The following CCDC146 variants were observed in gnomAD, a reference collection of about 807,000 sequenced individuals.
The protein encoded by CCDC146 is coiled-coil domain containing 146.
A neutral mutation model predicts 119.3 loss-of-function variants in CCDC146; 92 were observed. The observed-to-expected ratio is 0.77, with a 90% CI of 0.65 to 0.92. The LOEUF (loss-of-function observed/expected upper bound fraction) is 0.92, where lower values mean the gene tolerates loss of function less well. Among genes scored for constraint, CCDC146 ranks in the 40% least tolerant of loss-of-function variants. The pLI is 0.00. For missense variants in CCDC146, 1,000 were observed against 1,103.0 expected (o/e 0.91, Z 1.32); for synonymous variants, 372 against 371.8 (o/e 1.00, Z -0.01).
chr7:77,149,915 A>G (rs1458699458), intron 1 of CCDC146, among the ~76,000 whole-genome samples: 3 of 152,158 alleles, frequency 2.0e-5, no homozygotes, highest in African/African-American at 7.2e-5. Context: ...TATTTGGTCA[A>G]TTGGTAATTT....
At chr7:77,153,488 T>C (rs1459055070) in intron 1 of CCDC146, among the ~76,000 whole-genome samples, 2 of 149,446 alleles carry the variant, frequency 1.3e-5, no homozygotes, top group Non-Finnish European at 3.0e-5. Flanking sequence ...GCAAAGCATC[T>C]GAACAAACAT....
At position 77,228,350 on chromosome 7, in the gene CCDC146, C is replaced by T. The variant is rs550312825; in HGVS notation, c.157-8597C>T. Reference sequence around the variant, plus strand: ...ACAGGCCCCAGTGTGTGTTGTTTCCCTCTATGTGTCCATGTGTTTTCATCA... The same window carrying T: ...ACAGGCCCCAGTGTGTGTTGTTTCCTTCTATGTGTCCATGTGTTTTCATCA... On this transcript the variant is annotated intron_variant, in intron 2 of 18. Coordinates refer to ENST00000285871, the MANE Select transcript of CCDC146 (RefSeq NM_020879.3). Among the ~76,000 whole-genome samples, 9 of 152,260 alleles carry T rather than the reference C, an allele frequency of 5.9e-5. No homozygotes were observed. The South Asian group carries it at 1.7e-3, about 28-fold the overall frequency.
chr7:77,268,563 C>A (rs1793451248), intron 9 of CCDC146, among the ~76,000 whole-genome samples: 1 of 152,212 alleles, frequency 6.6e-6, no homozygotes, highest in African/African-American at 2.4e-5. Flanking sequence ...GACTCTATTT[C>A]ATGGGTCTCA....
intron 9 of CCDC146, among the ~76,000 whole-genome samples, chr7:77,262,865 C>G (rs1283788450): frequency 2.0e-5 from 3 of 152,190 alleles, no homozygotes; most frequent in African/African-American, 7.2e-5. Context: ...AGTGAGGGGT[C>G]TGGTTGCCCC....
chr7:77,197,068 G>T, intron 2 of CCDC146: 1 of 848,344 alleles, frequency 1.2e-6, no homozygotes, highest in Non-Finnish European at 1.8e-6. Context: ...TACAAAAGCA[G>T]TTTGATAATT....
chr7:77,235,565 G>A (rs1792718421), intron 2 of CCDC146, among the ~76,000 whole-genome samples: 1 of 152,174 alleles, frequency 6.6e-6, no homozygotes, highest in East Asian at 1.9e-4. Context: ...TTGGGGTCAG[G>A]CAGGACCTCA....
intron 17 of CCDC146, among the ~76,000 whole-genome samples, chr7:77,289,796 C>T (rs1485316168): frequency 6.6e-6 from 1 of 152,168 alleles, no homozygotes; most frequent in Non-Finnish European, 1.5e-5. Context: ...TAATATGAAA[C>T]TTTGTTTTCT....
At chr7:77,217,352 A>ATG in intron 2 of CCDC146, among the ~76,000 whole-genome samples, 1 of 150,358 alleles carries the variant, frequency 6.7e-6, no homozygotes, top group East Asian at 2.0e-4. Flanking sequence ...ACACACACAT[A>ATG]TGTATATATA....
At chr7:77,254,764 T>C (rs1382318998) in intron 5 of CCDC146, among the ~76,000 whole-genome samples, 1 of 152,222 alleles carries the variant, frequency 6.6e-6, no homozygotes, top group African/African-American at 2.4e-5. Flanking sequence ...CTTTAGCAAC[T>C]TGGCATCTAA....
intron 1 of CCDC146, among the ~76,000 whole-genome samples, chr7:77,145,905 G>A (rs1051255281): frequency 1.2e-4 from 19 of 152,112 alleles, no homozygotes; most frequent in Admixed American, 2.0e-4. Context: ...TTGATTCTGG[G>A]TGGAGAGTTC....
intron 2 of CCDC146, among the ~76,000 whole-genome samples, chr7:77,208,425 C>A (rs907904862): frequency 1.3e-5 from 2 of 152,250 alleles, no homozygotes; most frequent in Middle Eastern, 3.4e-3. Context: ...AGTGTGCTAG[C>A]ATGTTACTGT....
chr7:77,176,210 CT>C (rs1791497023), intron 2 of CCDC146, among the ~76,000 whole-genome samples: 1 of 151,128 alleles, frequency 6.6e-6, no homozygotes, highest in Admixed American at 6.6e-5. Flanking sequence ...CCCAACTCTG[CT>C]CCTGGGTTCT....
chr7:77,287,153 C>A, intron 16 of CCDC146: 1 of 617,580 alleles, frequency 1.6e-6, no homozygotes, highest in Admixed American at 3.0e-5. Flanking sequence ...ACATTTCTCT[C>A]ATGACCCAAA....
intron 7 of CCDC146, 29 bp downstream of exon 7, chr7:77,259,097 C>T: frequency 7.6e-7 from 1 of 1,322,666 alleles, no homozygotes; most frequent in Non-Finnish European, 1.1e-6. Context: ...ACTTTGAATC[C>T]CTGCCAGTCC....
Position 77,283,445 on chromosome 7 carries a change from G to T in CCDC146, c.2148+660G>T, listed in dbSNP as rs947460679. Among the ~76,000 whole-genome samples, 3 of 152,092 alleles carry T rather than the reference G, an allele frequency of 2.0e-5. No individual in the cohort carries two copies. In the South Asian group the frequency reaches 6.2e-4, roughly 31 times the overall value. On this transcript the variant is annotated intron_variant, in intron 15 of 18. Transcript: ENST00000285871. ...TAAAAATTAAAATAAAAACTGTGTA[G>T]CCTAAACTTGTTCCCATTGACCAAT...
intron 1 of CCDC146, 110 bp from the exon 2 acceptor site, chr7:77,167,548 T>G: frequency 1.2e-6 from 1 of 832,414 alleles, no homozygotes; most frequent in African/African-American, 1.8e-5. Flanking sequence ...GTAGTTTCAT[T>G]GAACAATAGC....
At chr7:77,216,229 T>C (rs1029982675) in intron 2 of CCDC146, among the ~76,000 whole-genome samples, 1 of 152,134 alleles carries the variant, frequency 6.6e-6, no homozygotes, top group Non-Finnish European at 1.5e-5. Flanking sequence ...TAAGTTATAG[T>C]GAAATTAGCT....
intron 2 of CCDC146, among the ~76,000 whole-genome samples, chr7:77,206,369 C>T (rs1792079433): frequency 6.6e-6 from 1 of 152,094 alleles, no homozygotes; most frequent in Non-Finnish European, 1.5e-5. Flanking sequence ...GTAATTCCAA[C>T]ACTTTGGGAG....
Position 77,282,629 on chromosome 7 carries a change from GA to G in CCDC146, c.1995del (p.Lys665AsnfsTer2), listed in dbSNP as rs746861471. On this transcript the variant is annotated frameshift_variant, in exon 15 of 19. Coordinates refer to ENST00000285871, the MANE Select transcript of CCDC146 (RefSeq NM_020879.3). LOFTEE classifies it high-confidence loss of function. ...AAAAAATAAATATCCAAGAGAAGAT[GA>G]AACTAAATGGAGAAATTGAAATACA... ...YEKINIQEKM[K>X]LNGEIEIHLL... The G allele has an allele frequency of 6.2e-7, 1 of 1,612,920 alleles. No individual in the cohort carries two copies. Among genetic ancestry groups the G allele is most frequent in the Non-Finnish European group, 8.5e-7 (1 of 1,178,976 alleles).
Sources: gnomAD v4.1 joint callset for allele counts (sites outside exome capture counted in the v4.1 genomes callset) on GRCh38, gnomAD v4.1.1 for gene constraint, MANE v1.5 for transcripts, NCBI Gene and HGNC (gene_info 2026-07-23, HGNC 2026-07-21) for gene names.